The following ZRANB3 variants were observed in gnomAD, a reference collection of about 807,000 sequenced individuals.
ZRANB3 encodes the protein DNA annealing helicase and endonuclease ZRANB3.
A neutral mutation model predicts 133.8 loss-of-function variants in ZRANB3; 125 were observed. The observed-to-expected ratio is 0.93, with a 90% confidence interval of 0.81 to 1.08. The LOEUF is 1.08. ZRANB3 is among the 50% of genes least tolerant of loss of function. ZRANB3 has a pLI of 0.00. For missense variants in ZRANB3, 1,229 were observed against 1,275.5 expected (o/e 0.96, Z 0.56); for synonymous variants, 387 against 432.7 (o/e 0.89, Z 1.31).
intron 1 of ZRANB3, among the ~76,000 whole-genome samples, chr2:135,516,100 T>A (rs1461876592): frequency 6.7e-6 from 1 of 148,646 alleles, no homozygotes; most frequent in African/African-American, 2.4e-5. Flanking sequence ...TTGCAACCCC[T>A]GTTTTTTCTT....
In ZRANB3 at chr2:135,353,607, G is replaced by C. The variant is rs548937041; in HGVS notation, c.202C>G (p.Gln68Glu). 3 of 1,578,044 alleles carry C rather than the reference G, an allele frequency of 1.9e-6. No individual in the cohort carries two copies. The African/African-American group carries it at 4.1e-5, about 21-fold the overall frequency. Residue 68 changes from glutamine to glutamate, a missense_variant, in exon 4 of 21, where the codon CAG (glutamine) becomes GAG (glutamate). Physicochemically the swap from Gln to Glu is conservative, Grantham distance 29 (BLOSUM62 2). Coordinates refer to ENST00000264159, the MANE Select transcript of ZRANB3 (RefSeq NM_032143.4). ...TAGAAGTAAGTAATTCCAATTGCCT[G>C]GATTGTCTTTCCTAGACCCATCTAA... Reference protein sequence around the residue: ...ADEMGLGKTIQAIGITYFYKE... With the variant: ...ADEMGLGKTIEAIGITYFYKE...
At chr2:135,404,044 C>A (rs1442667289) in intron 2 of ZRANB3, among the ~76,000 whole-genome samples, 1 of 152,158 alleles carries the variant, frequency 6.6e-6, no homozygotes, top group African/African-American at 2.4e-5. Context: ...AATCAGAGCG[C>A]CTCTCCTCCT....
At chr2:135,348,535 G>A (rs576644671) in intron 5 of ZRANB3, among the ~76,000 whole-genome samples, 1 of 152,182 alleles carries the variant, frequency 6.6e-6, no homozygotes, top group East Asian at 1.9e-4. Context: ...TCTTATGCTC[G>A]ATTATAAGTA....
chr2:135,217,612 C>A lies in ZRANB3; in HGVS notation c.2353-5G>T, dbSNP rs1186481515. 6.2e-7 allele frequency: 1 copy of A among 1,608,722 alleles called. No homozygotes were observed. The highest frequency in any genetic ancestry group is 1.3e-5 in the African/African-American group (1 of 74,656). On this transcript the variant is annotated splice_polypyrimidine_tract_variant and splice_region_variant and intron_variant, in intron 16 of 20. Transcript: ENST00000264159. ...TTCTCGAACAAATCTCAAAATCTGG[C>A]AGAAAATGAGATAATAAGAGTTAAC...
At chr2:135,258,416 T>C (rs539176471) in intron 12 of ZRANB3, among the ~76,000 whole-genome samples, 26 of 152,278 alleles carry the variant, frequency 1.7e-4, no homozygotes, top group African/African-American at 6.3e-4. Context: ...CCCTCTCCTG[T>C]TCCTGGGTGG....
At chr2:135,526,566 T>G (rs934616306) in intron 1 of ZRANB3, among the ~76,000 whole-genome samples, 5 of 152,182 alleles carry the variant, frequency 3.3e-5, no homozygotes, top group Non-Finnish European at 7.3e-5. Context: ...AACTATATAT[T>G]GTGATTTATT....
chr2:135,230,711 G>A lies in ZRANB3; in HGVS notation c.1756C>T (p.His586Tyr), dbSNP rs1228871939. Residue 586 changes from histidine (H) to tyrosine (Y), a missense_variant, in exon 13 of 21, where the codon CAC (histidine) becomes TAC (tyrosine). His to Tyr is a moderately conservative substitution (Grantham distance 83). Coordinates refer to ENST00000264159, the MANE Select transcript of ZRANB3 (RefSeq NM_032143.4). ...KRLKLAASED[H>Y]CSPSEETPSQ... ...GGTGTCTCTTCCGACGGACTGCAGT[G>A]GTCTTCCGAGGCAGCCAATTTCAAT... The A allele has an allele frequency of 6.2e-7, 1 of 1,612,822 alleles. No individual in the cohort carries two copies. Among genetic ancestry groups the A allele is most frequent in the Non-Finnish European group, 8.5e-7 (1 of 1,179,514 alleles).
At chr2:135,404,918 GC>G (rs1164324692) in intron 2 of ZRANB3, among the ~76,000 whole-genome samples, 1 of 152,136 alleles carries the variant, frequency 6.6e-6, no homozygotes, top group Non-Finnish European at 1.5e-5. Context: ...CAACTAATGA[GC>G]AAAATAACCA....
At chr2:135,221,948 A>AT (rs780074056) in intron 15 of ZRANB3, among the ~76,000 whole-genome samples, 11 of 152,286 alleles carry the variant, frequency 7.2e-5, no homozygotes, top group Admixed American at 4.6e-4. Flanking sequence ...AAAGAATATT[A>AT]TTACATGGTA....
chr2:135,515,240 A>C (rs1408924949), intron 1 of ZRANB3, among the ~76,000 whole-genome samples: 1 of 152,138 alleles, frequency 6.6e-6, no homozygotes, highest in Non-Finnish European at 1.5e-5. Flanking sequence ...CCTCTGGTAC[A>C]AATTCGGCCG....
intron 3 of ZRANB3, among the ~76,000 whole-genome samples, chr2:135,355,571 G>A (rs1027239418): frequency 1.3e-4 from 19 of 151,972 alleles, no homozygotes; most frequent in African/African-American, 4.4e-4. Flanking sequence ...TGGTCAGGCT[G>A]GTCTCAAACT....
intron 3 of ZRANB3, among the ~76,000 whole-genome samples, chr2:135,365,810 T>C (rs1685907960): frequency 6.6e-6 from 1 of 152,216 alleles, no homozygotes; most frequent in African/African-American, 2.4e-5. Context: ...ATGCTTTATA[T>C]CCTTTTTAAT....
intron 8 of ZRANB3, among the ~76,000 whole-genome samples, chr2:135,309,043 C>T (rs1268686564): frequency 1.4e-5 from 2 of 146,754 alleles, no homozygotes; most frequent in Non-Finnish European, 3.0e-5. Context: ...TGCAGTGGTG[C>T]AATCTCGGCT....
intron 2 of ZRANB3, among the ~76,000 whole-genome samples, chr2:135,428,853 G>A (rs1014126708): frequency 7.9e-5 from 12 of 152,158 alleles, no homozygotes; most frequent in African/African-American, 2.7e-4. Context: ...CACGCCATCC[G>A]GAATGGCTAT....
intron 6 of ZRANB3, among the ~76,000 whole-genome samples, chr2:135,335,565 T>C (rs893133644): frequency 3.3e-5 from 5 of 152,000 alleles, no homozygotes; most frequent in Admixed American, 1.3e-4. Flanking sequence ...TGGTGACACA[T>C]GCCTGCAGTC....
chr2:135,328,351 T>C (rs1683947414), intron 6 of ZRANB3, among the ~76,000 whole-genome samples: 1 of 152,066 alleles, frequency 6.6e-6, no homozygotes. Context: ...TTGAGAATGA[T>C]GGTTTCCAGT....
chr2:135,335,646 T>C (rs1224613578), intron 6 of ZRANB3, among the ~76,000 whole-genome samples: 5 of 152,000 alleles, frequency 3.3e-5, no homozygotes, highest in African/African-American at 1.2e-4. Flanking sequence ...TGAGCAGAGA[T>C]TGCACCACTG....
At chr2:135,388,766 A>C (rs1208078252) in intron 3 of ZRANB3, among the ~76,000 whole-genome samples, 1 of 152,158 alleles carries the variant, frequency 6.6e-6, no homozygotes, top group Non-Finnish European at 1.5e-5. Context: ...TTAATTTATG[A>C]AGAGCCATTT....
chr2:135,381,173 G>A (rs937567196), intron 3 of ZRANB3, among the ~76,000 whole-genome samples: 7 of 152,312 alleles, frequency 4.6e-5, no homozygotes, highest in East Asian at 1.9e-4. Context: ...TTTTCTGACC[G>A]TCATAGCAAA....
Sources: gnomAD v4.1 joint callset for allele counts (sites outside exome capture counted in the v4.1 genomes callset) on GRCh38, gnomAD v4.1.1 for gene constraint, MANE v1.5 for transcripts, NCBI Gene and HGNC (gene_info 2026-07-23, HGNC 2026-07-21) for gene names.